MYH9: variants seen among roughly 807,000 people sequenced by gnomAD.
MYH9 encodes the protein myosin heavy chain 9, also known as myosin-9.
In MYH9, 29 loss-of-function variants were observed where a neutral mutation model predicts 241.9. That is an observed-to-expected ratio of 0.12 (90% CI 0.09 to 0.16). The LOEUF is 0.16. MYH9 is among the 10% of genes least tolerant of loss of function. The probability of loss-of-function intolerance (pLI) is 1.00; values close to 1 mark genes in which losing one functional copy is unlikely to be tolerated. For missense variants in MYH9, 1,803 were observed against 2,595.5 expected (o/e 0.69, Z 6.63); for synonymous variants, 1,047 against 1,062.6 (o/e 0.99, Z 0.29).
intron 1 of MYH9, among the ~76,000 whole-genome samples, chr22:36,355,581 G>C (rs1290649188): frequency 6.6e-6 from 1 of 152,228 alleles, no homozygotes; most frequent in Non-Finnish European, 1.5e-5. Context: ...TAGGCTGGGA[G>C]TGTCCAAGTC....
Position 36,293,215 on chromosome 22 carries a change from G to T in MYH9, c.4095+114C>A, listed in dbSNP as rs2016734367. 7.1e-7 allele frequency: 1 copy of T among 1,399,276 alleles called. No homozygotes were observed. The highest frequency in any genetic ancestry group is 1.4e-5 in the African/African-American group (1 of 70,738). 86.7% of individuals were successfully genotyped at this position (1,399,276 alleles called of 1,614,324 possible). A position where few individuals can be genotyped will look rare whatever the true frequency, so the allele number is the denominator to read the frequency against. ...GAGAGCACGGTTGGCTTCCCAGGGG[G>T]AGAGCAGCAATGGGCCGGCCCAGCG... On this transcript the variant is annotated intron_variant, in intron 30 of 40. Transcript: ENST00000216181. This position sits in a 1 kb window ranked among gnomAD's most constrained non-coding sequence, Gnocchi z 5.1.
intron 1 of MYH9, among the ~76,000 whole-genome samples, chr22:36,381,701 G>A (rs1019312332): frequency 1.3e-5 from 2 of 152,044 alleles, no homozygotes; most frequent in Non-Finnish European, 2.9e-5. Flanking sequence ...TGCGTCTGGT[G>A]TTTTTCACTT....
intron 2 of MYH9, 28 bp downstream of exon 2, chr22:36,348,876 C>T (rs1457438953): frequency 6.4e-7 from 1 of 1,552,136 alleles, no homozygotes; most frequent in Non-Finnish European, 8.8e-7. Context: ...TCAGACCCAG[C>T]CTGCGGGGTG....
chr22:36,326,514 T>C, intron 5 of MYH9, 54 bp downstream of exon 5: 1 of 1,484,418 alleles, frequency 6.7e-7, no homozygotes, highest in Middle Eastern at 1.7e-4. Context: ...TCTTCCTCCA[T>C]CATCCCACCA....
intron 14 of MYH9, among the ~76,000 whole-genome samples, chr22:36,311,796 A>T (rs918589711): frequency 2.4e-4 from 37 of 152,222 alleles, no homozygotes; most frequent in African/African-American, 8.0e-4. Context: ...ATAATGCATG[A>T]TGACAACCAG....
intron 13 of MYH9, 137 bp from the exon 14 acceptor site, chr22:36,312,359 G>C: frequency 1.4e-6 from 1 of 705,498 alleles, no homozygotes; most frequent in Non-Finnish European, 2.3e-6. Context: ...GAGAAGCAAA[G>C]CACTGTTGAA....
At chr22:36,375,347 C>T (rs905679911) in intron 1 of MYH9, among the ~76,000 whole-genome samples, 1 of 152,220 alleles carries the variant, frequency 6.6e-6, no homozygotes, top group Non-Finnish European at 1.5e-5. Context: ...GGACCAACCA[C>T]ATTCATTTGA....
intron 3 of MYH9, among the ~76,000 whole-genome samples, chr22:36,340,248 C>T (rs777055315): frequency 2.0e-5 from 3 of 151,448 alleles, no homozygotes; most frequent in African/African-American, 4.8e-5. Context: ...AACCTAATAG[C>T]TCTGGGGGAA....
Position 36,285,829 on chromosome 22 carries a change from T to C in MYH9, c.5150+36A>G, listed in dbSNP as rs1208339279. On this transcript the variant is annotated intron_variant, in intron 36 of 40. Coordinates refer to ENST00000216181, the MANE Select transcript of MYH9 (RefSeq NM_002473.6). This position sits in a 1 kb window ranked among gnomAD's most constrained non-coding sequence, Gnocchi z 7.0. ...GAGGGGCCTACCCTGGGGACACACC[T>C]GGTCCCCCCCAACTCTGCCCCCTCA... 2 of 1,613,534 alleles carry C rather than the reference T, an allele frequency of 1.2e-6. No individual in the cohort carries two copies. The highest frequency in any genetic ancestry group is 4.5e-5 in the East Asian group (2 of 44,874).
rs1236586549 is a variant in MYH9, at chr22:36,318,197, G to A, written c.1227+10C>T. The A allele has an allele frequency of 6.2e-7, 1 of 1,612,716 alleles. No individual in the cohort carries two copies. The highest frequency in any genetic ancestry group is 1.3e-5 in the African/African-American group (1 of 75,022). ...GAGGCAGCCAGCTGCCCTGGCCCCA[G>A]AGGACATACCTGCTCTTTAGTCTGC... On this transcript the variant is annotated intron_variant, in intron 11 of 40. Coordinates refer to ENST00000216181, the MANE Select transcript of MYH9 (RefSeq NM_002473.6).
At chr22:36,323,559 A>G (rs2017289278) in intron 5 of MYH9, among the ~76,000 whole-genome samples, 1 of 152,174 alleles carries the variant, frequency 6.6e-6, no homozygotes, top group Admixed American at 6.5e-5. Context: ...AGTGATGACA[A>G]GGAGAACTAG....
chr22:36,381,716 C>T (rs963701838), intron 1 of MYH9, among the ~76,000 whole-genome samples: 2 of 152,128 alleles, frequency 1.3e-5, no homozygotes, highest in South Asian at 2.1e-4. Context: ...TCACTTACAA[C>T]ATAGCTTGGA....
intron 1 of MYH9, among the ~76,000 whole-genome samples, chr22:36,350,333 T>G (rs1001641512): frequency 6.6e-6 from 1 of 151,822 alleles, no homozygotes; most frequent in African/African-American, 2.4e-5. Flanking sequence ...AGGTTGGGAG[T>G]TTGAGACCAG....
intron 2 of MYH9, among the ~76,000 whole-genome samples, chr22:36,348,631 C>T (rs948973689): frequency 3.9e-5 from 6 of 152,188 alleles, no homozygotes; most frequent in African/African-American, 1.4e-4. Context: ...GGCCATCCCT[C>T]AGACAGGGCC....
intron 31 of MYH9, among the ~76,000 whole-genome samples, chr22:36,290,004 C>T (rs192157097): frequency 6.6e-5 from 10 of 152,272 alleles, no homozygotes; most frequent in Middle Eastern, 3.4e-3. Flanking sequence ...GGGGCCGGAT[C>T]CGGCTACCAC....
Position 36,314,052 on chromosome 22 carries a change from T to A in MYH9, c.1554+93A>T, listed in dbSNP as rs1447476171. The A allele has an allele frequency of 6.7e-6, 10 of 1,489,270 alleles. No individual in the cohort carries two copies. In the East Asian group the frequency reaches 2.3e-4, roughly 34 times the overall value. 92.3% of individuals were successfully genotyped at this position (1,489,270 alleles called of 1,614,324 possible). A position where few individuals can be genotyped will look rare whatever the true frequency, so the allele number is the denominator to read the frequency against. On this transcript the variant is annotated intron_variant, in intron 13 of 40. Coordinates refer to ENST00000216181, the MANE Select transcript of MYH9 (RefSeq NM_002473.6). ...CAAAAGGAAGGGGAGTTAAGACACC[T>A]CCACAACCAACACAGAGCTGAGGTG...
At chr22:36,327,316 T>A in intron 4 of MYH9, 145 bp downstream of exon 4, 1 of 882,354 alleles carries the variant, frequency 1.1e-6, no homozygotes, top group Non-Finnish European at 1.9e-6. Flanking sequence ...CAAACTGAAG[T>A]CCTATCCCTT....
chr22:36,348,926 C>T lies in MYH9; in HGVS notation c.311G>A (p.Arg104His), dbSNP rs778342329. ...TACGTAGATGAGCCCTGAGTAGTAA[C>T]GCTCCTTGAGGTTGTGCAGCACCGA... is the stretch of plus-strand genomic sequence containing the variant. ...EASVLHNLKERYYSGLIYTYS... is the reference protein window; with the variant it reads ...EASVLHNLKEHYYSGLIYTYS... Residue 104 changes from arginine (R) to histidine (H), a missense_variant, in exon 2 of 41, where the codon CGT becomes CAT. By Grantham distance (29) the Arg-to-His change is conservative. Around this residue, in one of 11 missense-constraint regions of MYH9, gnomAD observed 72 missense variants for 134.3 expected, o/e 0.54. Coordinates refer to ENST00000216181, the MANE Select transcript of MYH9 (RefSeq NM_002473.6). The T allele has an allele frequency of 6.2e-7, 1 of 1,607,874 alleles. No individual in the cohort carries two copies.
intron 1 of MYH9, among the ~76,000 whole-genome samples, chr22:36,364,271 G>C (rs1884846716): frequency 6.6e-6 from 1 of 152,132 alleles, no homozygotes; most frequent in Non-Finnish European, 1.5e-5. Context: ...CTCACCTCTA[G>C]TCCTGCAGGG....
Sources: allele counts gnomAD v4.1 joint callset (sites outside exome capture counted in the v4.1 genomes callset), GRCh38; gene constraint gnomAD v4.1.1; regional missense constraint gnomAD v4.1.1; non-coding constraint Gnocchi (gnomAD v3.1); transcripts MANE v1.5; gene names NCBI Gene and HGNC (gene_info 2026-07-23, HGNC 2026-07-21).